NLGN4X: variants seen among roughly 807,000 people sequenced by gnomAD.
The protein encoded by NLGN4X is neuroligin 4 X-linked.
In NLGN4X, 3 loss-of-function variants were observed where a neutral mutation model predicts 40.3. That is an observed-to-expected ratio of 0.07 (90% CI 0.03 to 0.19). The LOEUF (loss-of-function observed/expected upper bound fraction) is 0.19. Among genes scored for constraint, NLGN4X ranks in the 10% least tolerant of loss-of-function variants. The probability of loss-of-function intolerance (pLI) is 1.00; values close to 1 mark genes in which losing one functional copy is unlikely to be tolerated. For missense variants in NLGN4X, 382 were observed against 708.3 expected (o/e 0.54, Z 5.23); for synonymous variants, 270 against 306.8 (o/e 0.88, Z 1.25).
At chrX:5,928,979 C>A (rs2033433353) in intron 3 of NLGN4X, among the ~76,000 whole-genome samples, 1 of 108,983 alleles carries the variant, frequency 9.2e-6, no homozygotes, top group South Asian at 4.0e-4. Flanking sequence ...ACCACCGTGC[C>A]CAGAGAAAGA....
At chrX:6,026,875 A>T (rs1393208298) in intron 3 of NLGN4X, among the ~76,000 whole-genome samples, 17 of 110,983 alleles carry the variant, frequency 1.5e-4, no homozygotes, top group African/African-American at 5.6e-4. Flanking sequence ...TTCCAGGCTA[A>T]TTTGCAAGAT....
intron 3 of NLGN4X, among the ~76,000 whole-genome samples, chrX:5,944,131 CT>C (rs1223456725): frequency 9.0e-6 from 1 of 111,545 alleles, no homozygotes; most frequent in Non-Finnish European, 1.9e-5. Context: ...GAGTGGGAGG[CT>C]TCCCTAACTT....
intron 3 of NLGN4X, among the ~76,000 whole-genome samples, chrX:5,989,941 A>G (rs1461422283): frequency 1.8e-5 from 2 of 111,717 alleles, no homozygotes; most frequent in Non-Finnish European, 3.8e-5. Flanking sequence ...ATATACTCTA[A>G]TAAAACGTTA....
intron 3 of NLGN4X, among the ~76,000 whole-genome samples, chrX:5,941,790 T>C (rs1456333869): frequency 5.3e-5 from 6 of 112,424 alleles, no homozygotes; most frequent in Non-Finnish European, 1.1e-4. Flanking sequence ...CCGCTCACTG[T>C]CTCTGTAAGG....
chrX:6,098,553 C>G (rs1360927384), intron 2 of NLGN4X, among the ~76,000 whole-genome samples: 1 of 110,883 alleles, frequency 9.0e-6, no homozygotes, highest in East Asian at 2.8e-4. Context: ...AGAAAAGTAT[C>G]AAGAATGAAA....
intron 3 of NLGN4X, among the ~76,000 whole-genome samples, chrX:5,913,733 C>T (rs1190121405): frequency 1.8e-5 from 2 of 112,025 alleles, no homozygotes; most frequent in African/African-American, 3.2e-5. Flanking sequence ...TCAATAGATA[C>T]GTTCAGTGAT....
Position 5,892,713 on chromosome X carries a change from G to T in NLGN4X, c.*104C>A. ...AGTCAGTGGGACAAAAACATTCCTG[G>T]TCTGGAGACTTTCTTTCTCTCTCTC... is the stretch of plus-strand genomic sequence containing the variant. On this transcript the variant is annotated 3_prime_UTR_variant, in exon 6 of 6. Coordinates refer to ENST00000381095, the MANE Select transcript of NLGN4X (RefSeq NM_181332.3). The T allele has an allele frequency of 9.0e-7, 1 of 1,105,209 alleles. No individual in the cohort carries two copies. 91.1% of individuals were successfully genotyped at this position (1,105,209 alleles called of 1,213,427 possible). A position where few individuals can be genotyped will look rare whatever the true frequency, so the allele number is the denominator to read the frequency against.
chrX:6,018,540 C>T, intron 3 of NLGN4X, among the ~76,000 whole-genome samples: 1 of 111,369 alleles, frequency 9.0e-6, no homozygotes, highest in Admixed American at 9.6e-5. Context: ...ACTATGTTGC[C>T]CAGGCTGCTC....
intron 3 of NLGN4X, among the ~76,000 whole-genome samples, chrX:5,974,294 A>AT (rs1197976128): frequency 8.9e-6 from 1 of 112,262 alleles, no homozygotes; most frequent in East Asian, 2.8e-4. Context: ...TCAGTACCAG[A>AT]TATTTGCAGC....
chrX:6,006,518 A>G (rs977620779), intron 3 of NLGN4X, among the ~76,000 whole-genome samples: 1 of 111,399 alleles, frequency 9.0e-6, no homozygotes, highest in Non-Finnish European at 1.9e-5. Flanking sequence ...AGATGTTAAG[A>G]ATACACTTAA....
intron 3 of NLGN4X, among the ~76,000 whole-genome samples, chrX:5,963,256 G>A (rs1270017803): frequency 9.0e-6 from 1 of 110,900 alleles, no homozygotes; most frequent in East Asian, 2.9e-4. Flanking sequence ...ATATGGACAG[G>A]AAGCTCCATT....
At chrX:6,145,430 C>T (rs2040026087) in intron 2 of NLGN4X, among the ~76,000 whole-genome samples, 2 of 112,278 alleles carry the variant, frequency 1.8e-5, no homozygotes, top group African/African-American at 6.5e-5. Flanking sequence ...GCATCCCTGC[C>T]ATTCTGCCAA....
intron 3 of NLGN4X, among the ~76,000 whole-genome samples, chrX:5,934,957 G>A (rs2033684760): frequency 8.9e-6 from 1 of 111,985 alleles, no homozygotes. Flanking sequence ...ACCTATTAAT[G>A]AATGAATAAT....
chrX:6,209,460 C>T (rs1924365928), intron 1 of NLGN4X, among the ~76,000 whole-genome samples: 1 of 111,427 alleles, frequency 9.0e-6, no homozygotes, highest in Non-Finnish European at 1.9e-5. Flanking sequence ...CAGCATCACG[C>T]AAGGCACAGG....
At chrX:6,067,451 C>T (rs1335882388) in intron 2 of NLGN4X, among the ~76,000 whole-genome samples, 1 of 111,635 alleles carries the variant, frequency 9.0e-6, no homozygotes, top group Non-Finnish European at 1.9e-5. Flanking sequence ...CACACACACA[C>T]ACACACAGAC....
At chrX:6,135,711 T>C (rs918041449) in intron 2 of NLGN4X, among the ~76,000 whole-genome samples, 1 of 111,463 alleles carries the variant, frequency 9.0e-6, no homozygotes, top group Non-Finnish European at 1.9e-5. Flanking sequence ...GCTAGGCCAA[T>C]GTGCTTCTCT....
chrX:6,173,459 A>C (rs2040652209), intron 1 of NLGN4X, among the ~76,000 whole-genome samples: 1 of 111,718 alleles, frequency 9.0e-6, no homozygotes, highest in Admixed American at 9.5e-5. Flanking sequence ...CATGAAACCA[A>C]AAAAAGATGA....
chrX:5,974,534 C>A (rs1022536783), intron 3 of NLGN4X, among the ~76,000 whole-genome samples: 1 of 111,763 alleles, frequency 8.9e-6, no homozygotes, highest in Non-Finnish European at 1.9e-5. Context: ...CATTCTTCTG[C>A]AGAATAGAAT....
chrX:5,931,853 G>A (rs1171234030), intron 3 of NLGN4X, among the ~76,000 whole-genome samples: 1 of 111,699 alleles, frequency 9.0e-6, no homozygotes, highest in Non-Finnish European at 1.9e-5. Flanking sequence ...GTGAATGGGA[G>A]TGGCTGCACC....
Sources: allele counts gnomAD v4.1 joint callset (sites outside exome capture counted in the v4.1 genomes callset), GRCh38; gene constraint gnomAD v4.1.1; transcripts MANE v1.5; gene names NCBI Gene and HGNC (gene_info 2026-07-23, HGNC 2026-07-21).